TTC28: variants seen among roughly 807,000 people sequenced by gnomAD.
TTC28 encodes the protein tetratricopeptide repeat protein 28.
TTC28 carries 61 observed loss-of-function variants against 198.0 expected under a neutral mutation model. The ratio of observed to expected loss-of-function variants is 0.31; its 90% CI spans 0.25 to 0.38. The LOEUF is 0.38. Among genes scored for constraint, TTC28 ranks in the 10% least tolerant of loss-of-function variants. TTC28 has a pLI of 1.00. For synonymous variants in TTC28, 1,171 were observed against 1,297.8 expected (o/e 0.90, Z 2.10); for missense variants, 2,678 against 3,164.0 (o/e 0.85, Z 3.69).
intron 5 of TTC28, among the ~76,000 whole-genome samples, chr22:28,289,972 C>T (rs575524861): frequency 2.0e-4 from 30 of 152,036 alleles, no homozygotes; most frequent in Admixed American, 1.2e-3. Context: ...TGCAGTGAGC[C>T]GAGACTGCGC....
chr22:28,522,235 C>T (rs1274483830), intron 2 of TTC28, among the ~76,000 whole-genome samples: 1 of 152,116 alleles, frequency 6.6e-6, no homozygotes, highest in African/African-American at 2.4e-5. Flanking sequence ...CGCCTGTAAT[C>T]CCAACACTTT....
At chr22:28,611,153 G>C (rs1427977213) in intron 2 of TTC28, among the ~76,000 whole-genome samples, 1 of 152,150 alleles carries the variant, frequency 6.6e-6, no homozygotes, top group Admixed American at 6.5e-5. Flanking sequence ...CACTCTTCAG[G>C]ATATTATCCA....
intron 2 of TTC28, among the ~76,000 whole-genome samples, chr22:28,325,829 A>G (rs2045520987): frequency 6.6e-6 from 1 of 152,154 alleles, no homozygotes; most frequent in Admixed American, 6.6e-5. Context: ...ACAAATAAAA[A>G]AGGAAAAATG....
chr22:28,552,917 C>A lies in TTC28; in HGVS notation c.381+76635G>T, dbSNP rs983901562. On this transcript the variant is annotated intron_variant, in intron 2 of 22. Coordinates refer to ENST00000397906, the MANE Select transcript of TTC28 (RefSeq NM_001145418.2). Reference sequence around the variant, plus strand: ...TTCCCCTGCCTCAGCCTGTCGAGTGCCTGTGATTGCAGGCGCGCGCCACCA... The same window carrying A: ...TTCCCCTGCCTCAGCCTGTCGAGTGACTGTGATTGCAGGCGCGCGCCACCA... 4.6e-5 allele frequency among the ~76,000 whole-genome samples: 7 copies of A among 152,250 alleles called. No individual in the cohort carries two copies. The East Asian group carries it at 1.4e-3, about 29-fold the overall frequency.
chr22:28,087,071 C>G (rs1941633549), intron 12 of TTC28, among the ~76,000 whole-genome samples: 4 of 152,170 alleles, frequency 2.6e-5, no homozygotes, highest in Admixed American at 2.6e-4. Flanking sequence ...CAGCGGAATT[C>G]TACCAGAGAT....
At chr22:28,465,826 T>C (rs1241685486) in intron 2 of TTC28, among the ~76,000 whole-genome samples, 2 of 151,900 alleles carry the variant, frequency 1.3e-5, no homozygotes, top group African/African-American at 4.8e-5. Context: ...TCCTGCCCCA[T>C]CTTCGACATA....
chr22:28,330,471 T>C (rs2045597615), intron 2 of TTC28, among the ~76,000 whole-genome samples: 1 of 152,166 alleles, frequency 6.6e-6, no homozygotes, highest in Non-Finnish European at 1.5e-5. Flanking sequence ...ACAGATACCT[T>C]TTTTGCATCA....
intron 2 of TTC28, among the ~76,000 whole-genome samples, chr22:28,487,055 A>G (rs1053943572): frequency 9.2e-5 from 14 of 152,266 alleles, no homozygotes; most frequent in East Asian, 1.9e-4. Flanking sequence ...GCCGTCCCCA[A>G]TTTTTATGTA....
At chr22:28,115,115 A>T (rs769007556) in intron 6 of TTC28, among the ~76,000 whole-genome samples, 10 of 152,092 alleles carry the variant, frequency 6.6e-5, no homozygotes, top group Non-Finnish European at 1.5e-4. Flanking sequence ...GATTGTTACT[A>T]AAACCCAGAT....
chr22:28,573,701 AATCT>A (rs572037675), intron 2 of TTC28, among the ~76,000 whole-genome samples: 102 of 152,214 alleles, frequency 6.7e-4, no homozygotes, highest in Non-Finnish European at 1.3e-3. Flanking sequence ...TGTTACAAAC[AATCT>A]AATTATATTC....
chr22:28,463,599 C>T (rs1240354987), intron 2 of TTC28, among the ~76,000 whole-genome samples: 2 of 152,144 alleles, frequency 1.3e-5, no homozygotes, highest in Non-Finnish European at 2.9e-5. Flanking sequence ...AAGGATGAGT[C>T]ATGTCCTTTG....
intron 2 of TTC28, among the ~76,000 whole-genome samples, chr22:28,334,700 T>A (rs2045678776): frequency 6.6e-6 from 1 of 152,164 alleles, no homozygotes; most frequent in Non-Finnish European, 1.5e-5. Flanking sequence ...AATGGGGTTA[T>A]TTTTTTCTTG....
At chr22:28,003,198 C>T (rs1333565031) in intron 14 of TTC28, among the ~76,000 whole-genome samples, 21 of 152,012 alleles carry the variant, frequency 1.4e-4, no homozygotes, top group African/African-American at 2.4e-5. Flanking sequence ...GCTCCCTGGC[C>T]GGCTCCATAG....
intron 2 of TTC28, among the ~76,000 whole-genome samples, chr22:28,379,861 T>C (rs2046468773): frequency 6.6e-6 from 1 of 152,056 alleles, no homozygotes; most frequent in Non-Finnish European, 1.5e-5. Flanking sequence ...ACAAGAAATG[T>C]TACAGAAAAG....
chr22:28,212,353 A>C (rs949706996), intron 5 of TTC28, among the ~76,000 whole-genome samples: 1 of 150,994 alleles, frequency 6.6e-6, no homozygotes, highest in Admixed American at 6.7e-5. Context: ...TTTTTTGAAA[A>C]GATCAACAAA....
intron 12 of TTC28, among the ~76,000 whole-genome samples, chr22:28,031,055 C>T (rs772135091): frequency 5.3e-5 from 8 of 152,180 alleles, no homozygotes; most frequent in Non-Finnish European, 1.2e-4. Context: ...AACAGAACAT[C>T]CCACAATGTG....
At chr22:28,112,158 A>G (rs887183112) in intron 6 of TTC28, among the ~76,000 whole-genome samples, 3 of 152,176 alleles carry the variant, frequency 2.0e-5, no homozygotes, top group African/African-American at 7.2e-5. Context: ...TAATCATTTC[A>G]AAGACATAGC....
intron 12 of TTC28, among the ~76,000 whole-genome samples, chr22:28,078,816 CT>C (rs1941246201): frequency 6.6e-6 from 1 of 152,118 alleles, no homozygotes; most frequent in African/African-American, 2.4e-5. Flanking sequence ...AACAACGGAG[CT>C]TCTGAAAGGC....
Position 28,386,933 on chromosome 22 carries a change from C to T in TTC28, c.382-80290G>A, listed in dbSNP as rs926141860. Among the ~76,000 whole-genome samples the T allele has an allele frequency of 5.9e-5, 9 of 151,860 alleles. No homozygotes were observed. The South Asian group carries it at 8.3e-4, about 14-fold the overall frequency. ...ATGCATACATGTGCCATGCTGGTGCCCTGCACCCACTAACTTGTCATCTAG... is the reference window on the plus strand; with the variant it reads ...ATGCATACATGTGCCATGCTGGTGCTCTGCACCCACTAACTTGTCATCTAG... On this transcript the variant is annotated intron_variant, in intron 2 of 22. Coordinates refer to ENST00000397906, the MANE Select transcript of TTC28 (RefSeq NM_001145418.2).
Sources: gnomAD v4.1 joint callset for allele counts (sites outside exome capture counted in the v4.1 genomes callset) on GRCh38, gnomAD v4.1.1 for gene constraint, MANE v1.5 for transcripts, NCBI Gene and HGNC (gene_info 2026-07-23, HGNC 2026-07-21) for gene names.